ZNF254: variants seen among roughly 807,000 people sequenced by gnomAD.
ZNF254 encodes zinc finger protein 254.
In ZNF254, 10 loss-of-function variants were observed where a neutral mutation model predicts 12.4. The ratio of observed to expected loss-of-function variants is 0.80; its 90% CI spans 0.50 to 1.36. The LOEUF is 1.36. Ranked by LOEUF, ZNF254 falls within the 40% of genes most tolerant of loss-of-function variation. The pLI, the probability that ZNF254 is intolerant of heterozygous loss-of-function variation, is 0.00. For synonymous variants in ZNF254, 305 were observed against 253.4 expected, an observed-to-expected ratio of 1.20 and a Z score of -1.93; for missense variants, 996 against 763.9, an observed-to-expected ratio of 1.30 and a Z score of -3.58.
At chr19:24,042,648 G>A (rs1353399943) in intron 1 of ZNF254, among the ~76,000 whole-genome samples, 1 of 152,120 alleles carries the variant, frequency 6.6e-6, no homozygotes. Flanking sequence ...GAGGGTCCGC[G>A]GCTTCATTCT....
intron 2 of ZNF254, among the ~76,000 whole-genome samples, chr19:24,071,021 T>A (rs1971460660): frequency 2.0e-5 from 3 of 152,178 alleles, no homozygotes; most frequent in Non-Finnish European, 1.5e-5. Flanking sequence ...TTGATGTTAC[T>A]CTCCACTTTT....
At chr19:24,096,621 C>A (rs974864746) in intron 1 of ZNF254, among the ~76,000 whole-genome samples, 2 of 152,072 alleles carry the variant, frequency 1.3e-5, no homozygotes, top group African/African-American at 4.8e-5. Context: ...GTGATGAGAA[C>A]AATGTATGTT....
intron 3 of ZNF254, among the ~76,000 whole-genome samples, chr19:24,107,638 T>C (rs933970703): frequency 6.6e-6 from 1 of 152,198 alleles, no homozygotes; most frequent in African/African-American, 2.4e-5. Flanking sequence ...AACATTTTAC[T>C]TATTGGTCTT....
chr19:24,106,671 C>T, intron 3 of ZNF254, 28 bp downstream of exon 3: 1 of 1,537,816 alleles, frequency 6.5e-7, no homozygotes, highest in Middle Eastern at 1.7e-4. Flanking sequence ...CAACAGATGA[C>T]ATGGATGAGA....
chr19:24,043,272 T>A (rs1455669493), intron 1 of ZNF254, among the ~76,000 whole-genome samples: 1 of 152,110 alleles, frequency 6.6e-6, no homozygotes, highest in African/African-American at 2.4e-5. Context: ...AAAAAATTTT[T>A]TTTTTTTGAG....
At chr19:24,120,153 G>A (rs74726576) in intron 3 of ZNF254, among the ~76,000 whole-genome samples, 5,976 of 152,140 alleles carry the variant, frequency 0.039, 215 homozygotes, top group African/African-American at 0.092. Flanking sequence ...AAGAGCTTGC[G>A]CAGGAAAACT....
At chr19:24,045,511 T>C (rs1970345842) in intron 1 of ZNF254, among the ~76,000 whole-genome samples, 1 of 151,478 alleles carries the variant, frequency 6.6e-6, no homozygotes, top group Admixed American at 6.6e-5. Flanking sequence ...CTACTAAAAA[T>C]ACAAAAAATT....
Position 24,127,190 on chromosome 19 carries a change from A to G in ZNF254, c.1190A>G (p.Lys397Arg), listed in dbSNP as rs751286918. The G allele has an allele frequency of 3.7e-6, 6 of 1,613,384 alleles. No individual in the cohort carries two copies. The highest frequency in any genetic ancestry group is 4.2e-6 in the Non-Finnish European group (5 of 1,179,740). ...FKQLSTLTTH[K>R]IIHVGEKLYK... ...CAACTCTCAACTCTTACTACACATAAAATAATTCATGTTGGAGAGAAACTC... is the reference window on the plus strand; with the variant it reads ...CAACTCTCAACTCTTACTACACATAGAATAATTCATGTTGGAGAGAAACTC... The change falls in exon 4 of 4, where the codon AAA becomes AGA. Residue 397 changes from lysine (K) to arginine (R), a missense_variant. Lys to Arg is a conservative substitution (Grantham distance 26). Coordinates refer to ENST00000357002, the MANE Select transcript of ZNF254 (RefSeq NM_203282.4).
chr19:24,089,940 C>G (rs1039570301), intron 1 of ZNF254, among the ~76,000 whole-genome samples: 2 of 151,488 alleles, frequency 1.3e-5, no homozygotes, highest in Non-Finnish European at 2.9e-5. Flanking sequence ...CCTGTAATCC[C>G]TACACTTTGG....
Position 24,126,241 on chromosome 19 carries a change from A to ATT in ZNF254, c.254-5_254-4dup. 2 of 1,375,664 alleles carry ATT rather than the reference A, an allele frequency of 1.5e-6. No homozygotes were observed. Among genetic ancestry groups the ATT allele is most frequent in the Non-Finnish European group, 9.5e-7 (1 of 1,052,490 alleles). 85.2% of individuals were successfully genotyped at this position (1,375,664 alleles called of 1,614,324 possible). A position where few individuals can be genotyped will look rare whatever the true frequency, so the allele number is the denominator to read the frequency against. ...TAAGTGGAGTAATTTATTTATTTTTATTTTTTTTTCAGGTATGTGTCCTCA... is the reference window on the plus strand; with the variant it reads ...TAAGTGGAGTAATTTATTTATTTTTATTTTTTTTTTTCAGGTATGTGTCCTCA... On this transcript the variant is annotated splice_polypyrimidine_tract_variant and intron_variant, in intron 3 of 3. Coordinates refer to ENST00000357002, the MANE Select transcript of ZNF254 (RefSeq NM_203282.4).
upstream of ZNF254, among the ~76,000 whole-genome samples, chr19:24,082,818 AT>A (rs1026805163): frequency 4.0e-5 from 6 of 151,042 alleles, no homozygotes; most frequent in South Asian, 2.1e-4. Flanking sequence ...AATCTCTTCA[AT>A]TTTTTTTTAA....
chr19:24,051,265 C>T (rs986600343), intron 2 of ZNF254, among the ~76,000 whole-genome samples: 2 of 152,148 alleles, frequency 1.3e-5, no homozygotes, highest in African/African-American at 2.4e-5. Flanking sequence ...TCAAGTGATT[C>T]ACCTGCCTCA....
intron 3 of ZNF254, among the ~76,000 whole-genome samples, chr19:24,124,707 G>A (rs985215957): frequency 1.4e-4 from 21 of 148,684 alleles, no homozygotes; most frequent in Middle Eastern, 3.6e-3. Context: ...CAAAATTTTT[G>A]TTAACAGTTC....
At chr19:24,113,325 T>C (rs1160498784) in intron 3 of ZNF254, among the ~76,000 whole-genome samples, 1 of 152,164 alleles carries the variant, frequency 6.6e-6, no homozygotes, top group Non-Finnish European at 1.5e-5. Context: ...TCAAAAAGCT[T>C]ATCCACCATG....
chr19:24,087,088 C>A (rs915730925), upstream of ZNF254: 34 of 523,898 alleles, frequency 6.5e-5, no homozygotes, highest in East Asian at 1.0e-3. Flanking sequence ...TCTGAGTAGG[C>A]GGGGCCTTAA....
chr19:24,120,486 A>G (rs1974402804), intron 3 of ZNF254, among the ~76,000 whole-genome samples: 1 of 152,170 alleles, frequency 6.6e-6, no homozygotes, highest in African/African-American at 2.4e-5. Context: ...ATTGTTTTAA[A>G]TATTCTACAG....
chr19:24,090,915 C>T (rs537770379), intron 1 of ZNF254, among the ~76,000 whole-genome samples: 34 of 141,838 alleles, frequency 2.4e-4, no homozygotes, highest in African/African-American at 7.6e-4. Flanking sequence ...GGAAGTTTCT[C>T]GGACATGTTT....
upstream of ZNF254, among the ~76,000 whole-genome samples, chr19:24,084,702 A>C (rs575334444): frequency 8.9e-4 from 135 of 152,178 alleles, no homozygotes; most frequent in Middle Eastern, 6.8e-3. Flanking sequence ...ATCAGGGCTC[A>C]TTGCAGCCTC....
At chr19:24,052,506 G>A (rs892049932) in intron 2 of ZNF254, among the ~76,000 whole-genome samples, 3 of 152,086 alleles carry the variant, frequency 2.0e-5, no homozygotes, top group Admixed American at 2.0e-4. Flanking sequence ...CTGACCACTG[G>A]GAAGATTGTG....
Sources: allele counts gnomAD v4.1 joint callset (sites outside exome capture counted in the v4.1 genomes callset), GRCh38; gene constraint gnomAD v4.1.1; transcripts MANE v1.5; gene names NCBI Gene and HGNC (gene_info 2026-07-23, HGNC 2026-07-21).